The following HOMER1 variants were observed in gnomAD, a reference collection of about 807,000 sequenced individuals.
The protein encoded by HOMER1 is homer protein homolog 1.
Under a neutral mutation model 48.9 loss-of-function variants are expected in HOMER1, and 3 were observed. The ratio of observed to expected loss-of-function variants is 0.06; its 90% confidence interval spans 0.03 to 0.16. The LOEUF (loss-of-function observed/expected upper bound fraction) is 0.16. Ranked by LOEUF, HOMER1 falls within the 10% of genes least tolerant of loss-of-function variation. HOMER1 has a pLI of 1.00. For synonymous variants in HOMER1, 134 were observed against 146.4 expected (o/e 0.92, Z 0.61); for missense variants, 247 against 411.4 (o/e 0.60, Z 3.46).
chr5:79,487,280 AAAAG>A (rs989662069), intron 1 of HOMER1, among the ~76,000 whole-genome samples: 34 of 152,296 alleles, frequency 2.2e-4, no homozygotes, highest in African/African-American at 7.5e-4. Context: ...TCCATCTCAA[AAAAG>A]AAAGAAAGAA....
intron 4 of HOMER1, among the ~76,000 whole-genome samples, chr5:79,440,907 G>A (rs1366771268): frequency 2.0e-5 from 3 of 152,164 alleles, no homozygotes; most frequent in African/African-American, 7.2e-5. Flanking sequence ...CCTCACGCCT[G>A]TAATCCTTGG....
intron 6 of HOMER1, 83 bp downstream of exon 6, chr5:79,401,816 T>TG: frequency 7.7e-7 from 1 of 1,305,016 alleles, no homozygotes; most frequent in Admixed American, 1.9e-5. Flanking sequence ...AAGATATCCC[T>TG]GTGCTGAATC....
chr5:79,503,725 C>CAA (rs34548421), intron 1 of HOMER1, among the ~76,000 whole-genome samples: 1 of 123,080 alleles, frequency 8.1e-6, no homozygotes, highest in Non-Finnish European at 1.9e-5. Context: ...ACTCTGCCTC[C>CAA]AAAAAAAAAA....
intron 8 of HOMER1, 42 bp downstream of exon 8, chr5:79,396,781 C>T (rs1433249964): frequency 1.7e-6 from 2 of 1,197,616 alleles, no homozygotes; most frequent in Non-Finnish European, 2.4e-6. Context: ...AAAATGATGC[C>T]TTTCTATGCA....
chr5:79,471,539 C>T (rs1035800324), intron 1 of HOMER1, among the ~76,000 whole-genome samples: 1 of 97,810 alleles, frequency 1.0e-5, no homozygotes, highest in Non-Finnish European at 1.9e-5. Flanking sequence ...AAGAGCAAAA[C>T]TCCATCTCAA....
chr5:79,379,952 T>C (rs1023081845), intron 8 of HOMER1, among the ~76,000 whole-genome samples: 15 of 152,152 alleles, frequency 9.9e-5, no homozygotes, highest in African/African-American at 3.6e-4. Context: ...GATGGCTGAC[T>C]AGAAGCAATT....
chr5:79,485,077 T>TAAAACAAAACAAAACAAAAC (rs70975755), intron 1 of HOMER1, among the ~76,000 whole-genome samples: 7 of 149,298 alleles, frequency 4.7e-5, no homozygotes, highest in African/African-American at 1.5e-4. Flanking sequence ...GTGTCAAAAG[T>TAAAACAAAACAAAACAAAAC]AAAACAAAAC....
At chr5:79,469,208 A>C (rs941353581) in intron 1 of HOMER1, among the ~76,000 whole-genome samples, 1 of 152,196 alleles carries the variant, frequency 6.6e-6, no homozygotes, top group African/African-American at 2.4e-5. Flanking sequence ...AAGTAAATGC[A>C]TGTTAGTCAA....
intron 1 of HOMER1, among the ~76,000 whole-genome samples, chr5:79,481,117 T>A (rs1751932518): frequency 6.6e-6 from 1 of 152,214 alleles, no homozygotes; most frequent in African/African-American, 2.4e-5. Context: ...CTTTCATCAC[T>A]TAGGTATGGG....
intron 8 of HOMER1, among the ~76,000 whole-genome samples, chr5:79,382,623 TTCA>T (rs1470036987): frequency 6.6e-6 from 1 of 152,170 alleles, no homozygotes. Flanking sequence ...GCTGAAAGAA[TTCA>T]TCACCACTAT....
At chr5:79,422,611 C>CA (rs149190639) in intron 5 of HOMER1, among the ~76,000 whole-genome samples, 33,768 of 134,794 alleles carry the variant, frequency 0.25, 3,889 homozygotes, top group South Asian at 0.35. Context: ...AGACAATTGT[C>CA]AAAAAAAAAA....
At chr5:79,491,119 T>C (rs1366697528) in intron 1 of HOMER1, among the ~76,000 whole-genome samples, 3 of 119,644 alleles carry the variant, frequency 2.5e-5, no homozygotes, top group Admixed American at 9.3e-5. Context: ...AAGCTTGTCA[T>C]GCTCTTTATT....
At chr5:79,444,122 A>G (rs1750813233) in intron 4 of HOMER1, among the ~76,000 whole-genome samples, 1 of 152,208 alleles carries the variant, frequency 6.6e-6, no homozygotes, top group Non-Finnish European at 1.5e-5. Flanking sequence ...TTCCAGAGTT[A>G]CGTTACATTC....
chr5:79,432,920 A>C (rs1388524605), intron 5 of HOMER1, among the ~76,000 whole-genome samples: 1 of 152,192 alleles, frequency 6.6e-6, no homozygotes, highest in Non-Finnish European at 1.5e-5. Context: ...TAATCTAGAA[A>C]AACTTAATCT....
intron 8 of HOMER1, among the ~76,000 whole-genome samples, chr5:79,379,425 A>G (rs1176423569): frequency 8.5e-6 from 1 of 117,616 alleles, no homozygotes; most frequent in African/African-American, 3.3e-5. Context: ...TATTTTATAT[A>G]TTATATATTT....
At position 79,439,163 on chromosome 5, in the gene HOMER1, G is replaced by C. The variant is rs1276011307; in HGVS notation, c.388-14C>G. 6 of 1,612,568 alleles carry C rather than the reference G, an allele frequency of 3.7e-6. No individual in the cohort carries two copies. Among genetic ancestry groups the C allele is most frequent in the Non-Finnish European group, 5.1e-6 (6 of 1,179,442 alleles). On this transcript the variant is annotated splice_polypyrimidine_tract_variant and intron_variant, in intron 4 of 8. Coordinates refer to ENST00000334082, the MANE Select transcript of HOMER1 (RefSeq NM_004272.5). ...GCCTGCGGATTCCTTTAAAAAAAGGGGTGGGGGATAAAAAATAGTTACACT... is the reference window on the plus strand; with the variant it reads ...GCCTGCGGATTCCTTTAAAAAAAGGCGTGGGGGATAAAAAATAGTTACACT...
In HOMER1 at chr5:79,513,739, T is replaced by G. The variant is rs1352269697; in HGVS notation, c.-965A>C. 1.3e-5 allele frequency: 2 copies of G among 152,532 alleles called. No individual in the cohort carries two copies. The highest frequency in any genetic ancestry group is 2.9e-5 in the Non-Finnish European group (2 of 68,358). The allele number at this position is 152,532 out of a possible 1,614,324, so 9.4% of individuals were successfully genotyped here. On this transcript the variant is annotated 5_prime_UTR_variant, in exon 1 of 9. Coordinates refer to ENST00000334082, the MANE Select transcript of HOMER1 (RefSeq NM_004272.5). Reference sequence around the variant, plus strand: ...ACAGAGCCAAGCCCCACGCTTCCACTGGCACCCTGCCCCCAGCTCCAGGGC... The same window carrying G: ...ACAGAGCCAAGCCCCACGCTTCCACGGGCACCCTGCCCCCAGCTCCAGGGC...
rs564896921 is a variant in HOMER1, at chr5:79,434,536, C to G, written c.527+4474G>C. On this transcript the variant is annotated intron_variant, in intron 5 of 8. Coordinates refer to ENST00000334082, the MANE Select transcript of HOMER1 (RefSeq NM_004272.5). Reference sequence around the variant, plus strand: ...GTTCAAGTGTATACCTGCTCAATCTCAAAAGATATTATCATTTAGGTTAAA... The same window carrying G: ...GTTCAAGTGTATACCTGCTCAATCTGAAAAGATATTATCATTTAGGTTAAA... Among the ~76,000 whole-genome samples the G allele has an allele frequency of 2.0e-5, 3 of 152,062 alleles. No homozygotes were observed. The South Asian group carries it at 6.2e-4, about 32-fold the overall frequency.
intron 8 of HOMER1, among the ~76,000 whole-genome samples, chr5:79,382,809 G>A (rs948334700): frequency 3.9e-5 from 6 of 152,064 alleles, no homozygotes; most frequent in Admixed American, 6.5e-5. Context: ...ACGAACAATA[G>A]GAGAAAAAGG....
Sources: allele counts gnomAD v4.1 joint callset (sites outside exome capture counted in the v4.1 genomes callset), GRCh38; gene constraint gnomAD v4.1.1; transcripts MANE v1.5; gene names NCBI Gene and HGNC (gene_info 2026-07-23, HGNC 2026-07-21).